Variants in MUC4 observed in about 807,000 individuals in gnomAD.
MUC4 encodes the protein mucin-4.
A neutral mutation model predicts 257.9 loss-of-function variants in MUC4; 202 were observed. The observed-to-expected ratio is 0.78, with a 90% confidence interval of 0.70 to 0.88. The LOEUF (loss-of-function observed/expected upper bound fraction) is 0.88, where lower values mean the gene tolerates loss of function less well. Ranked by LOEUF, MUC4 falls within the 40% of genes least tolerant of loss-of-function variation. The pLI, the probability that MUC4 is intolerant of heterozygous loss-of-function variation, is 0.00. For missense variants in MUC4, 5,976 were observed against 6,513.7 expected, an observed-to-expected ratio of 0.92 and a Z score of 2.84; for synonymous variants, 2,351 against 2,757.1, an observed-to-expected ratio of 0.85 and a Z score of 4.62.
At chr3:195,775,592 A>T (rs1724339596) in intron 3 of MUC4, among the ~76,000 whole-genome samples, 1 of 132,274 alleles carries the variant, frequency 7.6e-6, no homozygotes, top group African/African-American at 3.2e-5. Context: ...TTCCACACCC[A>T]TACCTTCCAC....
chr3:195,789,287 C>T lies in MUC4; in HGVS notation c.2293G>A (p.Asp765Asn). Residue 765 changes from aspartate (D) to asparagine (N), a missense_variant, in exon 2 of 25, where the codon GAC becomes AAC. This residue lies in a region of MUC4 where 1,583 missense variants were observed against 1,257.4 expected (regional missense o/e 1.26). Coordinates refer to ENST00000463781, the MANE Select transcript of MUC4 (RefSeq NM_018406.7). Reference protein sequence around the residue: ...WTSASASTSPDTAAAMTHTHQ... With the variant: ...WTSASASTSPNTAAAMTHTHQ... ...GTATGGGTCATGGCTGCTGCTGTGT[C>T]AGGTGAGGTGCTGGCAGAGGCTGAT... 2.5e-6 allele frequency: 4 copies of T among 1,613,878 alleles called. No homozygotes were observed. The highest frequency in any genetic ancestry group is 3.4e-6 in the Non-Finnish European group (4 of 1,179,836).
intron 14 of MUC4, among the ~76,000 whole-genome samples, 200 bp downstream of exon 14, chr3:195,761,887 G>C (rs961034588): frequency 2.0e-5 from 3 of 152,178 alleles, no homozygotes; most frequent in Non-Finnish European, 2.9e-5. Context: ...TGCTCCCTTA[G>C]AGCGGGCGGA....
chr3:195,778,055 T>G (rs1035164426), intron 3 of MUC4, among the ~76,000 whole-genome samples: 14 of 152,204 alleles, frequency 9.2e-5, no homozygotes, highest in African/African-American at 3.4e-4. Flanking sequence ...GGATGAGTCC[T>G]CTAACCGCCG....
chr3:195,748,361 C>G (rs1321408964), intron 24 of MUC4, among the ~76,000 whole-genome samples: 1 of 152,258 alleles, frequency 6.6e-6, no homozygotes, highest in African/African-American at 2.4e-5. Flanking sequence ...GTCAGGAGTT[C>G]GAGACCAGCC....
chr3:195,751,254 C>A lies in MUC4; in HGVS notation c.15600G>T (p.Gly5200=). 1 of 1,606,956 alleles carries A rather than the reference C, an allele frequency of 6.2e-7. No homozygotes were observed. Among genetic ancestry groups the A allele is most frequent in the East Asian group, 2.2e-5 (1 of 44,754 alleles). The part of the protein sequence containing the change: ...EVNASVAYRL[G]TLDMRAFLRN... ...GGAGAAAGGCCCGCATGTCCAGGGT[C>A]CCCAGTCTGTATGCCACCTAGGTTA... Residue 5200 remains glycine, a synonymous_variant, in exon 22 of 25, where the codon GGG becomes GGT. Transcript: ENST00000463781.
At position 195,790,044 on chromosome 3, in the gene MUC4, A is replaced by C; in HGVS notation, c.1536T>G (p.Ala512=). The C allele has an allele frequency of 6.2e-7, 1 of 1,614,026 alleles. No individual in the cohort carries two copies. The highest frequency in any genetic ancestry group is 8.5e-7 in the Non-Finnish European group (1 of 1,179,892). The change falls in exon 2 of 25, where the codon GCT becomes GCG. Residue 512 remains alanine (A), a synonymous_variant. Coordinates refer to ENST00000463781, the MANE Select transcript of MUC4 (RefSeq NM_018406.7). ...QTELPSTSTG[A]ATRLVTGNPS... Reference sequence around the variant, plus strand: ...GATTTCCTGTGACAAGCCTAGTGGCAGCACCTGTTGATGTTGAGGGCAGTT... The same window carrying C: ...GATTTCCTGTGACAAGCCTAGTGGCCGCACCTGTTGATGTTGAGGGCAGTT...
chr3:195,767,504 C>CCACCATCGCCACCACCATCAT (rs1720918402), intron 7 of MUC4, among the ~76,000 whole-genome samples: 90 of 137,500 alleles, frequency 6.5e-4, no homozygotes, highest in East Asian at 3.2e-3. Flanking sequence ...ACCATCACCA[C>CCACCATCGCCACCACCATCAT]CACCATCACC....
chr3:195,748,965 C>A lies in MUC4; in HGVS notation c.15971G>T (p.Cys5324Phe). ...TCCATGGTCACAGTAGCCCCTACTG[C>A]ACGGGGACACGCAGGTGAAGCCGCT... Reference protein sequence around the residue: ...PQSGFTCVSPCSRGYCDHGGQ... With the variant: ...PQSGFTCVSPFSRGYCDHGGQ... Residue 5324 changes from cysteine to phenylalanine, a missense_variant, in exon 24 of 25, where the codon TGC becomes TTC. Around this residue, in one of 44 missense-constraint regions of MUC4, gnomAD observed 310 missense variants for 242.1 expected, o/e 1.28. Transcript: ENST00000463781. 4 of 1,608,548 alleles carry A rather than the reference C, an allele frequency of 2.5e-6. No homozygotes were observed. Among genetic ancestry groups the A allele is most frequent in the Non-Finnish European group, 3.4e-6 (4 of 1,177,552 alleles).
At chr3:195,767,541 CATCACCATCACCATTACCATT>C (rs1560261480) in intron 7 of MUC4, among the ~76,000 whole-genome samples, 62 of 117,998 alleles carry the variant, frequency 5.3e-4, no homozygotes, top group Non-Finnish European at 8.2e-4. Context: ...CCACCACCAT[CATCACCATCACCATTACCATT>C]GCCACCACCA....
Position 195,791,572 on chromosome 3 carries a change from A to G in MUC4, c.83-75T>C. 4 of 915,042 alleles carry G rather than the reference A, an allele frequency of 4.4e-6. No individual in the cohort carries two copies. The South Asian group carries it at 4.7e-5, about 11-fold the overall frequency. 56.7% of individuals were successfully genotyped at this position (915,042 alleles called of 1,614,324 possible). ...CCTATTCACAATTGCTACAAATAGAATAAAATACCTAGGAATACAGCTAAC... is the reference window on the plus strand; with the variant it reads ...CCTATTCACAATTGCTACAAATAGAGTAAAATACCTAGGAATACAGCTAAC... On this transcript the variant is annotated intron_variant, in intron 1 of 24. Transcript: ENST00000463781.
In MUC4 at chr3:195,782,775, G is replaced by C; in HGVS notation, c.8805C>G (p.Ser2935=). The C allele has an allele frequency of 6.6e-7, 1 of 1,518,184 alleles. No individual in the cohort carries two copies. The allele number at this position is 1,518,184 out of a possible 1,614,324, so 94.0% of individuals were successfully genotyped here. The change falls in exon 2 of 25, where the codon TCC becomes TCG. Residue 2935 remains serine (S), a synonymous_variant. Coordinates refer to ENST00000463781, the MANE Select transcript of MUC4 (RefSeq NM_018406.7). The stretch of plus-strand genomic sequence containing the variant: ...GGGTGGTGTCACCTGTGGATACTGA[G>C]GAAAGGCTGGTGACAGGAAGAGGGG... ...QATPLPVTSL[S]SVSTGDTTPL...
chr3:195,788,593 G>C lies in MUC4; in HGVS notation c.2987C>G (p.Thr996Ser), dbSNP rs1259633011. Residue 996 changes from threonine (T) to serine (S), a missense_variant, in exon 2 of 25, where the codon ACC becomes AGC. Coordinates refer to ENST00000463781, the MANE Select transcript of MUC4 (RefSeq NM_018406.7). ...STGHTTPLHV[T>S]DASSVSTGHA... ...ACCTGTGGATACTGAGGAAGCATCG[G>C]TGACATGAAGAGGGGTGGTGTGACC... 6.3e-7 allele frequency: 1 copy of C among 1,576,288 alleles called. No individual in the cohort carries two copies. Among genetic ancestry groups the C allele is most frequent in the Non-Finnish European group, 8.6e-7 (1 of 1,160,064 alleles).
Position 195,789,373 on chromosome 3 carries a change from C to A in MUC4, c.2207G>T (p.Gly736Val). ...TACAGAGTTGGCCAGAGTAAGGGCACCTGTTTTGGAAAGTGACGTGCCTCC... is the reference window on the plus strand; with the variant it reads ...TACAGAGTTGGCCAGAGTAAGGGCAACTGTTTTGGAAAGTGACGTGCCTCC... ...PSGGTSLSKT[G>V]ALTLANSVVS... Residue 736 changes from glycine to valine, a missense_variant, in exon 2 of 25, where the codon GGT (glycine) becomes GTT (valine). Gly to Val is a moderately radical substitution (Grantham distance 109). This residue lies in a region of MUC4 where 1,583 missense variants were observed against 1,257.4 expected (regional missense o/e 1.26). Transcript: ENST00000463781. The A allele has an allele frequency of 6.2e-7, 1 of 1,613,858 alleles. No homozygotes were observed. Among genetic ancestry groups the A allele is most frequent in the Non-Finnish European group, 8.5e-7 (1 of 1,179,866 alleles).
intron 21 of MUC4, 185 bp downstream of exon 21, chr3:195,752,188 G>C: frequency 1.6e-6 from 1 of 612,502 alleles, no homozygotes; most frequent in Non-Finnish European, 2.9e-6. Flanking sequence ...ATGAGTCGAG[G>C]TTTCTGTCTT....
In MUC4 at chr3:195,769,249, C is replaced by G. The variant is rs192349267; in HGVS notation, c.13399-97G>C. The G allele has an allele frequency of 2.5e-5, 37 of 1,501,124 alleles. No homozygotes were observed. In the African/African-American group the frequency reaches 4.8e-4, roughly 20 times the overall value. 93.0% of individuals were successfully genotyped at this position (1,501,124 alleles called of 1,614,324 possible). A position where few individuals can be genotyped will look rare whatever the true frequency, so the allele number is the denominator to read the frequency against. ...CCCGTCCCACAGCCCTGCTCTGACACGCACAGCACCTGTTCCTGGTCTGCC... is the reference window on the plus strand; with the variant it reads ...CCCGTCCCACAGCCCTGCTCTGACAGGCACAGCACCTGTTCCTGGTCTGCC... On this transcript the variant is annotated intron_variant, in intron 6 of 24. Transcript: ENST00000463781.
chr3:195,782,215 G>C lies in MUC4; in HGVS notation c.9365C>G (p.Pro3122Arg), dbSNP rs754634722. The C allele has an allele frequency of 5.2e-6, 7 of 1,345,532 alleles. No homozygotes were observed. Among genetic ancestry groups the C allele is most frequent in the African/African-American group, 4.1e-5 (2 of 48,318 alleles). The allele number at this position is 1,345,532 out of a possible 1,614,324, so 83.3% of individuals were successfully genotyped here. A position where few individuals can be genotyped will look rare whatever the true frequency, so the allele number is the denominator to read the frequency against. ...SASTGHTTPL[P>R]VTDTSSASTG... The stretch of plus-strand genomic sequence containing the variant: ...GGATGCTGAGGAAGTGTCGGTGACA[G>C]GAAGAGGGGTGGTGTGACCTGTGGA... Residue 3122 changes from proline to arginine, a missense_variant, in exon 2 of 25, where the codon CCT (proline) becomes CGT (arginine). Pro to Arg is a moderately radical substitution (Grantham distance 103). Around this residue, in one of 44 missense-constraint regions of MUC4, gnomAD observed 128 missense variants for 104.8 expected, o/e 1.22. Coordinates refer to ENST00000463781, the MANE Select transcript of MUC4 (RefSeq NM_018406.7).
In MUC4 at chr3:195,763,575, C is replaced by T. The variant is rs1719719196; in HGVS notation, c.14111G>A (p.Gly4704Glu). The stretch of plus-strand genomic sequence containing the variant: ...TTGGGCCCCGACCAGCAGGAAGTCC[C>T]CCAGCCCATTGAAGGTGTAACTGAC... ...DGVSYTFNGL[G>E]DFLLVGAQDG... Residue 4704 changes from glycine (G) to glutamate (E), a missense_variant, in exon 12 of 25, where the codon GGG becomes GAG. Gly to Glu is a moderately conservative substitution (Grantham distance 98). This residue lies in a region of MUC4 where 996 missense variants were observed against 1,137.3 expected (regional missense o/e 0.88). Coordinates refer to ENST00000463781, the MANE Select transcript of MUC4 (RefSeq NM_018406.7). 1 of 1,595,110 alleles carries T rather than the reference C, an allele frequency of 6.3e-7. No individual in the cohort carries two copies. Among genetic ancestry groups the T allele is most frequent in the Non-Finnish European group, 8.5e-7 (1 of 1,169,996 alleles).
chr3:195,771,273 T>C (rs1377136282), intron 5 of MUC4, among the ~76,000 whole-genome samples: 22 of 45,310 alleles, frequency 4.9e-4, no homozygotes, highest in African/African-American at 3.5e-3. Flanking sequence ...AGTCTCGTGG[T>C]TGGGTTGGGG....
intron 4 of MUC4, among the ~76,000 whole-genome samples, chr3:195,772,203 C>G (rs1169272546): frequency 6.6e-6 from 1 of 151,500 alleles, no homozygotes. Context: ...AGCCCTCCCT[C>G]CATCGCTCAG....
Sources: gnomAD v4.1 joint callset for allele counts (sites outside exome capture counted in the v4.1 genomes callset) on GRCh38, gnomAD v4.1.1 for gene constraint, gnomAD v4.1.1 regional missense constraint, MANE v1.5 for transcripts, NCBI Gene and HGNC (gene_info 2026-07-23, HGNC 2026-07-21) for gene names.